PLEKHA7: variants seen among roughly 807,000 people sequenced by gnomAD.
PLEKHA7 encodes the protein pleckstrin homology domain-containing family A member 7.
PLEKHA7 carries 104 observed loss-of-function variants against 170.0 expected under a neutral mutation model. The ratio of observed to expected loss-of-function variants is 0.61; its 90% CI spans 0.52 to 0.72. The LOEUF is 0.72. PLEKHA7 is among the 30% of genes least tolerant of loss of function. PLEKHA7 has a pLI of 0.00. For missense variants in PLEKHA7, 1,615 were observed against 1,671.7 expected (o/e 0.97, Z 0.59); for synonymous variants, 648 against 660.8 (o/e 0.98, Z 0.30).
chr11:16,816,062 C>T (rs1414621473), intron 12 of PLEKHA7, 116 bp downstream of exon 12: 1 of 847,788 alleles, frequency 1.2e-6, no homozygotes, highest in Non-Finnish European at 1.9e-6. Flanking sequence ...CCTCAGTTTC[C>T]TCATCTCTAA....
intron 3 of PLEKHA7, among the ~76,000 whole-genome samples, chr11:16,986,788 G>C (rs1017001405): frequency 6.6e-6 from 1 of 152,096 alleles, no homozygotes; most frequent in Admixed American, 6.5e-5. Flanking sequence ...CAACATCCTG[G>C]AAAGGCCCCA....
Position 16,789,360 on chromosome 11 carries a change from C to T in PLEKHA7, c.3157-64G>A. 1 of 1,495,174 alleles carries T rather than the reference C, an allele frequency of 6.7e-7. No homozygotes were observed. The highest frequency in any genetic ancestry group is 9.2e-7 in the Non-Finnish European group (1 of 1,081,754). The allele number at this position is 1,495,174 out of a possible 1,614,324, so 92.6% of individuals were successfully genotyped here. A position where few individuals can be genotyped will look rare whatever the true frequency, so the allele number is the denominator to read the frequency against. ...CTGGGCTGGGCACGCAGAGGACAGC[C>T]ACCCTGCTGGCTGCATTCCCGTTGT... On this transcript the variant is annotated intron_variant, in intron 22 of 26. Coordinates refer to ENST00000531066, the MANE Select transcript of PLEKHA7 (RefSeq NM_001329630.2). The surrounding 1 kb of genome is among the most constrained non-coding windows in gnomAD (Gnocchi z 4.6).
intron 3 of PLEKHA7, among the ~76,000 whole-genome samples, chr11:16,978,653 T>C (rs113197588): frequency 3.9e-5 from 6 of 152,348 alleles, no homozygotes; most frequent in African/African-American, 1.2e-4. Context: ...GTTAGGTTGT[T>C]TGCAATTTCT....
At chr11:16,921,712 G>A (rs955426478) in intron 3 of PLEKHA7, among the ~76,000 whole-genome samples, 2 of 152,046 alleles carry the variant, frequency 1.3e-5, no homozygotes, top group African/African-American at 4.8e-5. Flanking sequence ...AATTCAATGA[G>A]ATAATATATG....
chr11:16,829,801 A>C (rs147011354), intron 9 of PLEKHA7, among the ~76,000 whole-genome samples: 2 of 152,234 alleles, frequency 1.3e-5, no homozygotes, highest in East Asian at 3.9e-4. Context: ...TTCTTACCGT[A>C]AGTTTATAAA....
At chr11:16,838,149 G>A (rs1172808888) in intron 9 of PLEKHA7, among the ~76,000 whole-genome samples, 1 of 152,154 alleles carries the variant, frequency 6.6e-6, no homozygotes, top group Non-Finnish European at 1.5e-5. Flanking sequence ...AGCAAGAAAA[G>A]GCAAACAACT....
chr11:16,922,030 A>G (rs915323637), intron 3 of PLEKHA7, among the ~76,000 whole-genome samples: 1 of 152,228 alleles, frequency 6.6e-6, no homozygotes, highest in Non-Finnish European at 1.5e-5. Flanking sequence ...TGCCTGCGTC[A>G]GAGATTCAGG....
At chr11:16,994,174 G>A (rs933004255) in intron 3 of PLEKHA7, among the ~76,000 whole-genome samples, 2 of 152,200 alleles carry the variant, frequency 1.3e-5, no homozygotes, top group African/African-American at 2.4e-5. Flanking sequence ...TAGGGTCAAG[G>A]CCACCAGGTG....
chr11:16,791,518 T>C lies in PLEKHA7; in HGVS notation c.2746-319A>G. Reference sequence around the variant, plus strand: ...TGTGCTGAACTGCTCCCTCCGCTCATCTGGAGTGCACATCGCAGGCAGGCT... The same window carrying C: ...TGTGCTGAACTGCTCCCTCCGCTCACCTGGAGTGCACATCGCAGGCAGGCT... On this transcript the variant is annotated intron_variant, in intron 19 of 26. Coordinates refer to ENST00000531066, the MANE Select transcript of PLEKHA7 (RefSeq NM_001329630.2). The surrounding 1 kb of genome is among the most constrained non-coding windows in gnomAD (Gnocchi z 4.5). The C allele has an allele frequency of 1.8e-6, 1 of 547,062 alleles. No homozygotes were observed. The allele number at this position is 547,062 out of a possible 1,614,324, so 33.9% of individuals were successfully genotyped here. A position where few individuals can be genotyped will look rare whatever the true frequency, so the allele number is the denominator to read the frequency against.
chr11:16,989,572 T>C (rs1293063891), intron 3 of PLEKHA7, among the ~76,000 whole-genome samples: 2 of 152,200 alleles, frequency 1.3e-5, no homozygotes, highest in African/African-American at 2.4e-5. Context: ...GCTCTACTGC[T>C]TTCATGTCAC....
chr11:16,865,593 G>GGACACCTGCTACTCGGGA (rs1854324769), intron 4 of PLEKHA7, among the ~76,000 whole-genome samples: 1 of 151,350 alleles, frequency 6.6e-6, no homozygotes, highest in Non-Finnish European at 1.5e-5. Flanking sequence ...GTGTGATGGT[G>GGACACCTGCTACTCGGGA]GGCTGAGGCA....
intron 23 of PLEKHA7, chr11:16,786,916 A>C (rs566468200): frequency 2.0e-6 from 2 of 985,474 alleles, no homozygotes; most frequent in South Asian, 9.4e-5. Context: ...GGGAGGTACA[A>C]GCAAAAGCAG....
chr11:17,006,136 CA>C (rs1201054200), intron 3 of PLEKHA7, among the ~76,000 whole-genome samples: 1 of 151,716 alleles, frequency 6.6e-6, no homozygotes, highest in Non-Finnish European at 1.5e-5. Flanking sequence ...TTTAGGAAGC[CA>C]AGGCGGGTGG....
chr11:16,975,915 T>C (rs3927931), intron 3 of PLEKHA7, among the ~76,000 whole-genome samples: 29,243 of 152,244 alleles, frequency 0.19, 3,335 homozygotes, highest in South Asian at 0.31. Context: ...TAGCAAAGTA[T>C]TGTGTGTGGG....
rs535486091 is a variant in PLEKHA7, at chr11:16,954,936, C to T, written c.221+59053G>A. ...CAAACTCCTGACCTCGTGATCCGCCCGCCTCAGCCTCCCAAAGTGCTGGGA... is the reference window on the plus strand; with the variant it reads ...CAAACTCCTGACCTCGTGATCCGCCTGCCTCAGCCTCCCAAAGTGCTGGGA... On this transcript the variant is annotated intron_variant, in intron 3 of 26. Coordinates refer to ENST00000531066, the MANE Select transcript of PLEKHA7 (RefSeq NM_001329630.2). 2.0e-4 allele frequency among the ~76,000 whole-genome samples: 31 copies of T among 152,198 alleles called. 1 individual carries two copies. The South Asian group carries it at 5.6e-3, about 28-fold the overall frequency.
intron 8 of PLEKHA7, among the ~76,000 whole-genome samples, chr11:16,849,032 T>C (rs1032261352): frequency 2.6e-5 from 4 of 152,178 alleles, no homozygotes; most frequent in South Asian, 2.1e-4. Context: ...CACGGAACCA[T>C]TGCCCTTTCT....
At chr11:16,963,985 T>C (rs994119098) in intron 3 of PLEKHA7, among the ~76,000 whole-genome samples, 1 of 152,192 alleles carries the variant, frequency 6.6e-6, no homozygotes, top group African/African-American at 2.4e-5. Context: ...CTCCCTTCCC[T>C]CAGGCCCTAG....
In PLEKHA7 at chr11:16,794,635, G is replaced by A; in HGVS notation, c.2598C>T (p.Pro866=). The A allele has an allele frequency of 6.2e-7, 1 of 1,614,004 alleles. No homozygotes were observed. The highest frequency in any genetic ancestry group is 8.5e-7 in the Non-Finnish European group (1 of 1,179,968). ...STSESKPPPQ[P]SPPTSPVRTP... is the part of the protein sequence containing the mutation. Reference sequence around the variant, plus strand: ...TCCGCACAGGGCTGGTGGGAGGACTGGGCTGTGGGGGCGGCTTGCTCTCAG... The same window carrying A: ...TCCGCACAGGGCTGGTGGGAGGACTAGGCTGTGGGGGCGGCTTGCTCTCAG... The change falls in exon 19 of 27, where the codon CCC becomes CCT. Residue 866 remains proline (P), a synonymous_variant. Coordinates refer to ENST00000531066, the MANE Select transcript of PLEKHA7 (RefSeq NM_001329630.2).
intron 3 of PLEKHA7, among the ~76,000 whole-genome samples, chr11:16,921,163 T>C (rs1859060031): frequency 6.6e-6 from 1 of 152,208 alleles, no homozygotes; most frequent in Non-Finnish European, 1.5e-5. Flanking sequence ...CTCTGTTCAC[T>C]GGCAGATCAT....
Sources: gnomAD v4.1 joint callset for allele counts (sites outside exome capture counted in the v4.1 genomes callset) on GRCh38, gnomAD v4.1.1 for gene constraint, Gnocchi (gnomAD v3.1) non-coding constraint, MANE v1.5 for transcripts, NCBI Gene and HGNC (gene_info 2026-07-23, HGNC 2026-07-21) for gene names.